YPEL2: variants seen among roughly 807,000 people sequenced by gnomAD.
The protein encoded by YPEL2 is yippee like 2.
A neutral mutation model predicts 19.1 loss-of-function variants in YPEL2; 2 were observed. That is an observed-to-expected ratio of 0.10 (90% confidence interval 0.04 to 0.33). The LOEUF (loss-of-function observed/expected upper bound fraction) is 0.33. YPEL2 is among the 10% of genes least tolerant of loss of function. The pLI is 1.00. For synonymous variants in YPEL2, 52 were observed against 50.0 expected, an observed-to-expected ratio of 1.04 and a Z score of -0.17; for missense variants, 66 against 140.7, an observed-to-expected ratio of 0.47 and a Z score of 2.68.
intron 2 of YPEL2, among the ~76,000 whole-genome samples, chr17:59,387,565 T>G (rs974246959): frequency 6.6e-6 from 1 of 152,162 alleles, no homozygotes; most frequent in Non-Finnish European, 1.5e-5. Flanking sequence ...AAGGAAAACA[T>G]GGACAGGGCC....
intron 2 of YPEL2, among the ~76,000 whole-genome samples, chr17:59,364,230 GGA>G (rs1307979143): frequency 6.6e-6 from 1 of 152,110 alleles, no homozygotes; most frequent in Non-Finnish European, 1.5e-5. Context: ...TTACAGATTA[GGA>G]AACCAAGGCC....
intron 2 of YPEL2, among the ~76,000 whole-genome samples, chr17:59,358,410 C>G (rs1367967734): frequency 6.6e-6 from 1 of 151,986 alleles, no homozygotes; most frequent in Non-Finnish European, 1.5e-5. Flanking sequence ...AGACTCTGCC[C>G]TTGGTTTCCC....
At chr17:59,394,329 C>A (rs1011620632) in intron 4 of YPEL2, among the ~76,000 whole-genome samples, 1 of 149,540 alleles carries the variant, frequency 6.7e-6, no homozygotes, top group African/African-American at 2.5e-5. Flanking sequence ...CCTCACTTCC[C>A]AGACGGGGTC....
chr17:59,349,073 C>T (rs1426090470), intron 1 of YPEL2, among the ~76,000 whole-genome samples: 3 of 146,380 alleles, frequency 2.0e-5, no homozygotes, highest in Non-Finnish European at 4.5e-5. Context: ...ACTCGGGAGG[C>T]TGAGGCAGGA....
chr17:59,360,230 C>T (rs572415739), intron 2 of YPEL2, among the ~76,000 whole-genome samples: 22 of 152,348 alleles, frequency 1.4e-4, no homozygotes, highest in Non-Finnish European at 3.1e-4. Context: ...GCACCCGCCA[C>T]CACGCCCGGC....
At chr17:59,370,898 A>G (rs952344686) in intron 2 of YPEL2, among the ~76,000 whole-genome samples, 19 of 152,298 alleles carry the variant, frequency 1.2e-4, no homozygotes, top group Middle Eastern at 3.4e-3. Context: ...GTGTAGTCCA[A>G]CTGGGTCAGG....
At chr17:59,394,600 C>G (rs1269520118) in intron 4 of YPEL2, among the ~76,000 whole-genome samples, 1 of 150,816 alleles carries the variant, frequency 6.6e-6, no homozygotes, top group Non-Finnish European at 1.5e-5. Flanking sequence ...TCCTCACTTT[C>G]CAGACTGGGC....
chr17:59,358,932 T>G (rs1450256418), intron 2 of YPEL2, among the ~76,000 whole-genome samples: 2 of 148,418 alleles, frequency 1.3e-5, no homozygotes. Flanking sequence ...TTTTCTTTTT[T>G]TTTTTTTTTG....
At chr17:59,357,715 C>T (rs1021460045) in intron 2 of YPEL2, among the ~76,000 whole-genome samples, 111 of 152,142 alleles carry the variant, frequency 7.3e-4, no homozygotes, top group Non-Finnish European at 1.0e-3. Context: ...CTTCACAAAG[C>T]TTTTGTATGA....
At chr17:59,345,128 CAG>C (rs1232110820) in intron 1 of YPEL2, 4 of 152,234 alleles carry the variant, frequency 2.6e-5, no homozygotes, top group African/African-American at 4.8e-5. Context: ...TGAAGGCTGA[CAG>C]AGGAATACTT....
chr17:59,397,058 C>T (rs749843731), intron 4 of YPEL2, 43 bp from the exon 5 acceptor site: 2 of 1,491,440 alleles, frequency 1.3e-6, no homozygotes, highest in African/African-American at 2.8e-5. Context: ...ATTTTCTTGT[C>T]TTTGGTCGTT....
intron 1 of YPEL2, among the ~76,000 whole-genome samples, chr17:59,333,296 C>A (rs1331322669): frequency 6.6e-6 from 1 of 152,242 alleles, no homozygotes; most frequent in East Asian, 1.9e-4. Context: ...ATGATAGGAT[C>A]TCAGGCAGGA....
rs2047901418 is a variant in YPEL2 at position 59,372,430 on chromosome 17, TACAA to T, written c.118-15895_118-15892del. 5.3e-5 allele frequency among the ~76,000 whole-genome samples: 8 copies of T among 152,144 alleles called. No individual in the cohort carries two copies. The South Asian group carries it at 1.7e-3, about 32-fold the overall frequency. Reference sequence around the variant, plus strand: ...CTTAGCTGGTTGCAAAAAAGTAAAATACAAAAAGCATGGCTTGCTGTCCTGGCTG... The same window carrying T: ...CTTAGCTGGTTGCAAAAAAGTAAAATAAAGCATGGCTTGCTGTCCTGGCTG... On this transcript the variant is annotated intron_variant, in intron 2 of 4. Transcript: ENST00000312655.
rs2047930440 is a variant in YPEL2 at position 59,377,978 on chromosome 17, G to A, written c.118-10349G>A. Reference sequence around the variant, plus strand: ...CTTCACCACGTCCCTCTGGAATAGGGCGTTATTGAATCGGCAATATGTTCC... The same window carrying A: ...CTTCACCACGTCCCTCTGGAATAGGACGTTATTGAATCGGCAATATGTTCC... On this transcript the variant is annotated intron_variant, in intron 2 of 4. Transcript: ENST00000312655. 3.9e-5 allele frequency among the ~76,000 whole-genome samples: 6 copies of A among 152,160 alleles called. No individual in the cohort carries two copies. The South Asian group carries it at 1.0e-3, about 26-fold the overall frequency.
At chr17:59,343,019 G>A (rs61219549) in intron 1 of YPEL2, among the ~76,000 whole-genome samples, 2,700 of 152,306 alleles carry the variant, frequency 0.018, 102 homozygotes, top group African/African-American at 0.061. Context: ...CTGTCAGACA[G>A]CAGCCAGGTA....
intron 2 of YPEL2, among the ~76,000 whole-genome samples, chr17:59,365,448 G>C (rs1364665354): frequency 1.3e-5 from 2 of 152,178 alleles, no homozygotes; most frequent in African/African-American, 2.4e-5. Flanking sequence ...CTGTGCCTCT[G>C]ACCCACCCGA....
intron 2 of YPEL2, among the ~76,000 whole-genome samples, chr17:59,376,588 A>C (rs1456656363): frequency 6.6e-6 from 1 of 152,144 alleles, no homozygotes. Flanking sequence ...AGGTGGGAAG[A>C]ATGATTATAC....
At chr17:59,352,814 T>G (rs2047794017) in intron 1 of YPEL2, among the ~76,000 whole-genome samples, 2 of 152,230 alleles carry the variant, frequency 1.3e-5, no homozygotes, top group Admixed American at 1.3e-4. Flanking sequence ...GGTGAACCTC[T>G]AGAGGCTGAA....
At chr17:59,355,116 C>T (rs1344286974) in intron 2 of YPEL2, 2 of 152,126 alleles carry the variant, frequency 1.3e-5, no homozygotes, top group Non-Finnish European at 2.9e-5. Flanking sequence ...TTTTAGCACC[C>T]TTTATGTACT....
Sources: gnomAD v4.1 joint callset for allele counts (sites outside exome capture counted in the v4.1 genomes callset) on GRCh38, gnomAD v4.1.1 for gene constraint, MANE v1.5 for transcripts, NCBI Gene and HGNC (gene_info 2026-07-23, HGNC 2026-07-21) for gene names.